The following PCDHA8 variants were observed in gnomAD, a reference collection of about 807,000 sequenced individuals.
PCDHA8 encodes the protein protocadherin alpha 8.
A neutral mutation model predicts 61.8 loss-of-function variants in PCDHA8; 53 were observed. That is an observed-to-expected ratio of 0.86 (90% CI 0.69 to 1.08). The LOEUF (loss-of-function observed/expected upper bound fraction) is 1.08, where lower values mean the gene tolerates loss of function less well. Among genes scored for constraint, PCDHA8 ranks in the 50% least tolerant of loss-of-function variants. The probability of loss-of-function intolerance (pLI) is 0.00; values close to 1 mark genes in which losing one functional copy is unlikely to be tolerated. For missense variants in PCDHA8, 1,293 were observed against 1,245.0 expected, an observed-to-expected ratio of 1.04 and a Z score of -0.58; for synonymous variants, 618 against 556.6, an observed-to-expected ratio of 1.11 and a Z score of -1.55.
At chr5:140,862,348 C>T (rs1404239338) in intron 1 of PCDHA8, 1 of 336,670 alleles carries the variant, frequency 3.0e-6, no homozygotes, top group Non-Finnish European at 5.9e-6. Context: ...ACTTCAGTGC[C>T]AAGGGACAGA....
chr5:140,978,196 T>C (rs1043778941), intron 1 of PCDHA8, among the ~76,000 whole-genome samples: 1 of 152,190 alleles, frequency 6.6e-6, no homozygotes. Flanking sequence ...ATCTTTTCAA[T>C]ACACAACTAA....
At chr5:140,953,580 A>G (rs1053710021) in intron 1 of PCDHA8, among the ~76,000 whole-genome samples, 23 of 151,934 alleles carry the variant, frequency 1.5e-4, no homozygotes, top group Non-Finnish European at 2.4e-4. Context: ...CTCTCCCAAA[A>G]CTGCCTCCTT....
chr5:141,008,323 A>C lies in PCDHA8; in HGVS notation c.2543-1304A>C, dbSNP rs2098370005. ...CCCTAAACTGTAATTGAACATAAACAGTTTATTTGATGGAGCTTTTCACGT... is the reference window on the plus strand; with the variant it reads ...CCCTAAACTGTAATTGAACATAAACCGTTTATTTGATGGAGCTTTTCACGT... On this transcript the variant is annotated intron_variant, in intron 3 of 3. Transcript: ENST00000531613. 2.0e-5 allele frequency among the ~76,000 whole-genome samples: 3 copies of C among 152,242 alleles called. No individual in the cohort carries two copies. The South Asian group carries it at 6.2e-4, about 32-fold the overall frequency.
Position 140,876,461 on chromosome 5 carries a change from T to C in PCDHA8, c.2394+32746T>C, listed in dbSNP as rs782233071. 28 of 1,613,936 alleles carry C rather than the reference T, an allele frequency of 1.7e-5. No homozygotes were observed. In the East Asian group the frequency reaches 5.8e-4, roughly 33 times the overall value. ...GCCATTGATAAAGGGATTCCTTCCA[T>C]GGCAGGTCACAGCATGGTCCTGGTG... On this transcript the variant is annotated intron_variant, in intron 1 of 3. Coordinates refer to ENST00000531613, the MANE Select transcript of PCDHA8 (RefSeq NM_018911.3).
chr5:140,969,408 T>C (rs2096327357), intron 1 of PCDHA8: 6 of 1,573,824 alleles, frequency 3.8e-6, no homozygotes, highest in Non-Finnish European at 5.2e-6. Flanking sequence ...GATTTGGCTT[T>C]ATTGAGTCAT....
chr5:140,869,388 G>C lies in PCDHA8; in HGVS notation c.2394+25673G>C, dbSNP rs529836794. On this transcript the variant is annotated intron_variant, in intron 1 of 3. Transcript: ENST00000531613. Reference sequence around the variant, plus strand: ...ATTCTCGGATCGACCGCGAGGAGCTGTGCGGGCAGAGCGCGGAGTGCAGCA... The same window carrying C: ...ATTCTCGGATCGACCGCGAGGAGCTCTGCGGGCAGAGCGCGGAGTGCAGCA... 3.7e-6 allele frequency: 6 copies of C among 1,614,204 alleles called. No homozygotes were observed. The African/African-American group carries it at 6.7e-5, about 18-fold the overall frequency.
intron 3 of PCDHA8, among the ~76,000 whole-genome samples, chr5:140,986,211 C>T (rs1257937611): frequency 1.3e-5 from 2 of 152,126 alleles, no homozygotes; most frequent in African/African-American, 2.4e-5. Flanking sequence ...GATTACTGGC[C>T]CCTTTCTCTA....
At chr5:140,929,935 T>C (rs1253092331) in intron 1 of PCDHA8, 1 of 152,218 alleles carries the variant, frequency 6.6e-6, no homozygotes, top group Non-Finnish European at 1.5e-5. Context: ...CAGTGTATTC[T>C]CTAGCCTATA....
intron 3 of PCDHA8, among the ~76,000 whole-genome samples, chr5:141,000,193 A>G (rs554462748): frequency 2.0e-5 from 3 of 151,958 alleles, no homozygotes; most frequent in Non-Finnish European, 4.4e-5. Flanking sequence ...ATGTGAGAAT[A>G]GTTTTTCACC....
chr5:141,004,500 T>C (rs1481568200), intron 3 of PCDHA8, among the ~76,000 whole-genome samples: 1 of 152,242 alleles, frequency 6.6e-6, no homozygotes, highest in Non-Finnish European at 1.5e-5. Context: ...GCAGTCCTGC[T>C]GTGAGGGGCT....
At chr5:140,883,038 A>G (rs782789489) in intron 1 of PCDHA8, 3 of 1,614,160 alleles carry the variant, frequency 1.9e-6, no homozygotes, top group East Asian at 2.2e-5. Context: ...AACGCCTTCA[A>G]TGGAACATTA....
At chr5:140,900,100 A>G (rs1453942019) in intron 1 of PCDHA8, among the ~76,000 whole-genome samples, 1 of 152,162 alleles carries the variant, frequency 6.6e-6, no homozygotes, top group African/African-American at 2.4e-5. Flanking sequence ...ATGCGCCACC[A>G]TACCTGGCCT....
chr5:140,844,747 T>C (rs1779528592), intron 1 of PCDHA8, among the ~76,000 whole-genome samples: 1 of 149,678 alleles, frequency 6.7e-6, no homozygotes, highest in Admixed American at 6.7e-5. Context: ...TATTATGGGA[T>C]AAATCTTTGA....
intron 1 of PCDHA8, chr5:140,930,305 T>C (rs1554207723): frequency 6.6e-6 from 1 of 152,252 alleles, no homozygotes; most frequent in Non-Finnish European, 1.5e-5. Flanking sequence ...TAAGTAAATA[T>C]CATATTTGAG....
chr5:140,901,352 G>T (rs1426715966), intron 1 of PCDHA8, among the ~76,000 whole-genome samples: 2 of 152,138 alleles, frequency 1.3e-5, no homozygotes, highest in East Asian at 3.8e-4. Flanking sequence ...TGATGTCTTA[G>T]ATTTAAGTCT....
chr5:140,873,025 C>T (rs1206957639), intron 1 of PCDHA8, among the ~76,000 whole-genome samples: 1 of 152,148 alleles, frequency 6.6e-6, no homozygotes, highest in African/African-American at 2.4e-5. Context: ...GTTATTCTTA[C>T]TACACGTAGA....
At chr5:140,923,093 A>G (rs1372910044) in intron 1 of PCDHA8, among the ~76,000 whole-genome samples, 3 of 152,194 alleles carry the variant, frequency 2.0e-5, no homozygotes, top group Admixed American at 6.5e-5. Flanking sequence ...TATTTGACCA[A>G]TGGGAGTATG....
chr5:140,902,637 C>T (rs1554190530), intron 1 of PCDHA8, among the ~76,000 whole-genome samples: 1 of 151,910 alleles, frequency 6.6e-6, no homozygotes, highest in Non-Finnish European at 1.5e-5. Context: ...GTGGTGATTT[C>T]TGAGATTTTG....
rs200439538 is a variant in PCDHA8, at chr5:140,842,555, G to T, written c.1234G>T (p.Ala412Ser). Residue 412 changes from alanine (A) to serine (S), a missense_variant, in exon 1 of 4, where the codon GCC becomes TCC. Transcript: ENST00000531613. ...TTACTACTCGTTGGTGCTGGACAGC[G>T]CCCTGGACCGCGAGAGAGTGTCGGC... Reference protein sequence around the residue: ...KNYYSLVLDSALDRERVSAYE... With the variant: ...KNYYSLVLDSSLDRERVSAYE... The T allele has an allele frequency of 1.4e-6, 2 of 1,465,832 alleles. No homozygotes were observed. Among genetic ancestry groups the T allele is most frequent in the Non-Finnish European group, 1.9e-6 (2 of 1,075,884 alleles). The allele number at this position is 1,465,832 out of a possible 1,614,324, so 90.8% of individuals were successfully genotyped here. A position where few individuals can be genotyped will look rare whatever the true frequency, so the allele number is the denominator to read the frequency against.
Sources: gnomAD v4.1 joint callset for allele counts (sites outside exome capture counted in the v4.1 genomes callset) on GRCh38, gnomAD v4.1.1 for gene constraint, MANE v1.5 for transcripts, NCBI Gene and HGNC (gene_info 2026-07-23, HGNC 2026-07-21) for gene names.